DYNC2I2: variants seen among roughly 807,000 people sequenced by gnomAD.
The protein encoded by DYNC2I2 is cytoplasmic dynein 2 intermediate chain 2.
DYNC2I2 carries 39 observed loss-of-function variants against 52.0 expected under a neutral mutation model. The observed-to-expected ratio is 0.75, with a 90% CI of 0.58 to 0.98. The LOEUF is 0.98. Ranked by LOEUF, DYNC2I2 falls within the 50% of genes least tolerant of loss-of-function variation. The pLI is 0.00. For synonymous variants in DYNC2I2, 359 were observed against 321.1 expected (o/e 1.12, Z -1.26); for missense variants, 743 against 728.4 (o/e 1.02, Z -0.23).
At chr9:128,640,537 A>G (rs548074058) in intron 2 of DYNC2I2, among the ~76,000 whole-genome samples, 154 bp downstream of exon 2, 4 of 152,340 alleles carry the variant, frequency 2.6e-5, no homozygotes, top group African/African-American at 9.6e-5. Context: ...ACTTATTCTT[A>G]GGGAACCTAG....
At chr9:128,673,051 C>G in the DYNC2I2 span, among the ~76,000 whole-genome samples, 1 of 152,064 alleles carries the variant, frequency 6.6e-6, no homozygotes, top group Non-Finnish European at 1.5e-5. Context: ...ATTTTACATA[C>G]TTTTTCACTT....
intron 1 of DYNC2I2, among the ~76,000 whole-genome samples, chr9:128,644,636 G>A (rs1860579003): frequency 1.3e-5 from 2 of 152,034 alleles, no homozygotes; most frequent in Admixed American, 6.6e-5. Context: ...TCTCAGCCAC[G>A]GTGCCCTCCC....
the DYNC2I2 span, among the ~76,000 whole-genome samples, chr9:128,667,374 G>C: frequency 6.6e-6 from 1 of 151,842 alleles, no homozygotes; most frequent in African/African-American, 2.4e-5. Context: ...CGCCCAGGAT[G>C]GTGTGCAGTG....
chr9:128,669,656 T>A, the DYNC2I2 span, among the ~76,000 whole-genome samples: 1 of 152,096 alleles, frequency 6.6e-6, no homozygotes, highest in Non-Finnish European at 1.5e-5. Context: ...GACATCGCAC[T>A]ATTGCACGCC....
At chr9:128,639,698 C>T (rs977754195) in intron 2 of DYNC2I2, among the ~76,000 whole-genome samples, 3 of 152,068 alleles carry the variant, frequency 2.0e-5, no homozygotes, top group African/African-American at 7.2e-5. Context: ...TGGAGTCTTG[C>T]TCTGTCACCC....
At chr9:128,678,587 G>A in the DYNC2I2 span, among the ~76,000 whole-genome samples, 2 of 147,418 alleles carry the variant, frequency 1.4e-5, no homozygotes, top group South Asian at 4.3e-4. Context: ...TCAGCTTCCT[G>A]AGTAGCTGGA....
intron 3 of DYNC2I2, 57 bp from the exon 4 acceptor site, chr9:128,636,495 C>A (rs747464086): frequency 1.3e-6 from 2 of 1,532,758 alleles, no homozygotes; most frequent in Non-Finnish European, 1.8e-6. Flanking sequence ...CTATCACCCA[C>A]CCCACCTCTC....
the DYNC2I2 span, among the ~76,000 whole-genome samples, chr9:128,682,344 G>A: frequency 3.3e-5 from 5 of 151,818 alleles, no homozygotes. Flanking sequence ...CACCGCACCT[G>A]GCCCAGAGTG....
the DYNC2I2 span, chr9:128,663,598 C>G: frequency 6.6e-6 from 1 of 150,946 alleles, no homozygotes; most frequent in African/African-American, 2.4e-5. Flanking sequence ...TGTATTTGTT[C>G]CATTTTCTGT....
the DYNC2I2 span, among the ~76,000 whole-genome samples, chr9:128,679,110 A>G: frequency 1.3e-5 from 2 of 152,130 alleles, no homozygotes; most frequent in Non-Finnish European, 2.9e-5. Flanking sequence ...GGCAGGTATT[A>G]TCATCCATTT....
At chr9:128,668,901 T>C in the DYNC2I2 span, among the ~76,000 whole-genome samples, 1 of 150,864 alleles carries the variant, frequency 6.6e-6, no homozygotes, top group East Asian at 2.0e-4. Context: ...ACAGTGTATA[T>C]GGAGGTCAAA....
At chr9:128,675,904 G>A in the DYNC2I2 span, among the ~76,000 whole-genome samples, 2 of 152,162 alleles carry the variant, frequency 1.3e-5, no homozygotes, top group Non-Finnish European at 2.9e-5. Context: ...GGAAAGGAAA[G>A]GTGGGCCAGG....
chr9:128,641,086 G>T, intron 1 of DYNC2I2, 147 bp from the exon 2 acceptor site: 1 of 1,315,874 alleles, frequency 7.6e-7, no homozygotes, highest in Non-Finnish European at 1.0e-6. Flanking sequence ...CTTGGTTGGA[G>T]ATGGCCCCTT....
At position 128,656,648 on chromosome 9, in the gene DYNC2I2, CA is replaced by C; in HGVS notation, c.78del (p.Ala27ArgfsTer97). Reference protein sequence around the residue: ...AGVAALATVGVASGPGPGRPG... With the variant: ...AGVAALATVGXASGPGPGRPG... ...GGCCGCCCCGGCCCCGGGCCGCTCG[CA>C]ACCCCGACTGTCGCCAGCGCCGCAA... is the stretch of plus-strand genomic sequence containing the variant. On this transcript the variant is annotated frameshift_variant, in exon 1 of 9. Coordinates refer to ENST00000372715, the MANE Select transcript of DYNC2I2 (RefSeq NM_052844.4). LOFTEE classifies it high-confidence loss of function. 1 of 1,507,326 alleles carries C rather than the reference CA, an allele frequency of 6.6e-7. No homozygotes were observed. Among genetic ancestry groups the C allele is most frequent in the Non-Finnish European group, 8.8e-7 (1 of 1,136,316 alleles). The allele number at this position is 1,507,326 out of a possible 1,614,324, so 93.4% of individuals were successfully genotyped here.
At chr9:128,662,493 C>T in the DYNC2I2 span, among the ~76,000 whole-genome samples, 2 of 151,956 alleles carry the variant, frequency 1.3e-5, no homozygotes, top group Admixed American at 6.6e-5. Flanking sequence ...CTCACTGCAA[C>T]CTACTTCCTG....
chr9:128,642,498 C>T (rs1319414380), intron 1 of DYNC2I2, among the ~76,000 whole-genome samples: 4 of 148,306 alleles, frequency 2.7e-5, no homozygotes, highest in African/African-American at 9.9e-5. Flanking sequence ...AGGCCGGGCG[C>T]AGTGGCTCAC....
Position 128,640,824 on chromosome 9 carries a change from G to A in DYNC2I2, c.302C>T (p.Ser101Phe), listed in dbSNP as rs752415915. 1 of 1,614,106 alleles carries A rather than the reference G, an allele frequency of 6.2e-7. No individual in the cohort carries two copies. The highest frequency in any genetic ancestry group is 1.1e-5 in the South Asian group (1 of 91,080). Residue 101 changes from serine (S) to phenylalanine (F), a missense_variant, in exon 2 of 9, where the codon TCC becomes TTC. Coordinates refer to ENST00000372715, the MANE Select transcript of DYNC2I2 (RefSeq NM_052844.4). ...APVPVSVQPP[S>F]QYDIPRLAAF... ...TGCGAGCCTGGGTATGTCATACTGG[G>A]ACGGGGGCTGCACGCTGACAGGCAC...
chr9:128,671,280 AAT>A, the DYNC2I2 span, among the ~76,000 whole-genome samples: 1 of 150,786 alleles, frequency 6.6e-6, no homozygotes, highest in African/African-American at 2.4e-5. Flanking sequence ...CAGCCTGGGC[AAT>A]AGAGTGGGAC....
At chr9:128,674,613 C>T in the DYNC2I2 span, among the ~76,000 whole-genome samples, 7 of 151,970 alleles carry the variant, frequency 4.6e-5, no homozygotes, top group African/African-American at 1.5e-4. Flanking sequence ...CATGGTGGCA[C>T]GCACCTGTAA....
Sources: allele counts gnomAD v4.1 joint callset (sites outside exome capture counted in the v4.1 genomes callset), GRCh38; gene constraint gnomAD v4.1.1; transcripts MANE v1.5; gene names NCBI Gene and HGNC (gene_info 2026-07-23, HGNC 2026-07-21).